Variants in CEP112 observed in about 807,000 individuals in gnomAD.
CEP112 encodes the protein centrosomal protein 112.
In CEP112, 127 loss-of-function variants were observed where a neutral mutation model predicts 153.0. The ratio of observed to expected loss-of-function variants is 0.83; its 90% confidence interval spans 0.72 to 0.96. The LOEUF is 0.96. Ranked by LOEUF, CEP112 falls within the 40% of genes least tolerant of loss-of-function variation. The probability of loss-of-function intolerance (pLI) is 0.00; values close to 1 mark genes in which losing one functional copy is unlikely to be tolerated. For synonymous variants in CEP112, 358 were observed against 374.4 expected (o/e 0.96, Z 0.51); for missense variants, 1,089 against 1,101.2 (o/e 0.99, Z 0.16).
chr17:65,948,674 A>C (rs1464700468), intron 18 of CEP112, among the ~76,000 whole-genome samples: 1 of 150,102 alleles, frequency 6.7e-6, no homozygotes, highest in Non-Finnish European at 1.5e-5. Flanking sequence ...CTGAGAGCTA[A>C]ACTGATAATA....
At chr17:66,052,206 C>A (rs989278558) in intron 12 of CEP112, among the ~76,000 whole-genome samples, 3 of 152,196 alleles carry the variant, frequency 2.0e-5, no homozygotes, top group African/African-American at 7.2e-5. Flanking sequence ...CCCATGCAAC[C>A]ATTTTTGGAA....
chr17:65,689,064 G>A (rs2047962377), intron 24 of CEP112, 65 bp downstream of exon 24: 4 of 1,184,860 alleles, frequency 3.4e-6, no homozygotes, highest in Non-Finnish European at 5.1e-6. Flanking sequence ...CACTGCACCT[G>A]GCTGCACACA....
rs567436335 is a variant in CEP112, at chr17:66,148,962, G to C, written c.471-16199C>G. Among the ~76,000 whole-genome samples, 4 of 152,210 alleles carry C rather than the reference G, an allele frequency of 2.6e-5. No individual in the cohort carries two copies. The South Asian group carries it at 8.3e-4, about 32-fold the overall frequency. On this transcript the variant is annotated intron_variant, in intron 4 of 26. Transcript: ENST00000535342. Reference sequence around the variant, plus strand: ...TTCACTATAAGAATAATGTCTATAGGCTTTAAATAGATGGCGTTTATTTTG... The same window carrying C: ...TTCACTATAAGAATAATGTCTATAGCCTTTAAATAGATGGCGTTTATTTTG...
rs1457558707 is a variant in CEP112 at position 66,178,035 on chromosome 17, TA to T, written c.107-1016del. 2.6e-5 allele frequency among the ~76,000 whole-genome samples: 4 copies of T among 152,330 alleles called. No homozygotes were observed. The East Asian group carries it at 5.8e-4, about 22-fold the overall frequency. ...GCTGCCACAAACATGGGAGTGCAGA[TA>T]TCTCTTGGATACACTGATTTCCTTT... On this transcript the variant is annotated intron_variant, in intron 2 of 26. Transcript: ENST00000535342.
chr17:66,181,918 A>C (rs1485412626), intron 2 of CEP112: 2 of 152,264 alleles, frequency 1.3e-5, no homozygotes, highest in Non-Finnish European at 2.9e-5. Flanking sequence ...CAAGGTCAAG[A>C]GCAGAAGGCA....
chr17:66,030,801 TTTTAAA>T (rs1239698031), intron 12 of CEP112, among the ~76,000 whole-genome samples: 10 of 152,178 alleles, frequency 6.6e-5, no homozygotes, highest in African/African-American at 2.4e-4. Flanking sequence ...TAATTTTCAG[TTTTAAA>T]ATTAAACTTC....
intron 21 of CEP112, among the ~76,000 whole-genome samples, chr17:65,769,997 T>A (rs917669472): frequency 2.0e-5 from 3 of 152,020 alleles, no homozygotes; most frequent in African/African-American, 7.2e-5. Flanking sequence ...ATCTCAGTTA[T>A]CTCTGAGATA....
chr17:65,880,008 C>T (rs1317223530), intron 20 of CEP112, among the ~76,000 whole-genome samples: 1 of 152,088 alleles, frequency 6.6e-6, no homozygotes, highest in African/African-American at 2.4e-5. Flanking sequence ...GGAACCTGTA[C>T]CAAGTCACAT....
intron 24 of CEP112, chr17:65,655,141 G>A: frequency 2.7e-6 from 2 of 740,142 alleles, no homozygotes; most frequent in South Asian, 1.3e-5. Flanking sequence ...AGATAATAAT[G>A]TCATTGAATT....
chr17:65,958,004 T>C (rs377397076), intron 18 of CEP112, among the ~76,000 whole-genome samples: 10 of 152,326 alleles, frequency 6.6e-5, no homozygotes, highest in South Asian at 2.1e-4. Flanking sequence ...TTAATACATT[T>C]GTATTTTCTG....
At chr17:65,839,043 G>C (rs1200528879) in intron 21 of CEP112, among the ~76,000 whole-genome samples, 1 of 152,090 alleles carries the variant, frequency 6.6e-6, no homozygotes, top group Non-Finnish European at 1.5e-5. Flanking sequence ...CCCAGAACCT[G>C]AGGGCTTCAC....
chr17:65,923,295 T>C (rs1053608759), intron 19 of CEP112, among the ~76,000 whole-genome samples: 1 of 152,246 alleles, frequency 6.6e-6, no homozygotes, highest in African/African-American at 2.4e-5. Context: ...AGGCTTTTCA[T>C]TTGTTGGTCA....
At chr17:65,936,084 A>G (rs542466611) in intron 18 of CEP112, among the ~76,000 whole-genome samples, 1 of 152,338 alleles carries the variant, frequency 6.6e-6, no homozygotes, top group East Asian at 1.9e-4. Flanking sequence ...ATAATATAGA[A>G]ACACAAAAAC....
chr17:66,127,824 G>A (rs780771109), intron 6 of CEP112, among the ~76,000 whole-genome samples: 4 of 152,038 alleles, frequency 2.6e-5, no homozygotes, highest in Non-Finnish European at 2.9e-5. Context: ...AAATGGATCC[G>A]CCCTCATCTG....
intron 6 of CEP112, among the ~76,000 whole-genome samples, chr17:66,107,571 G>A (rs2068839359): frequency 6.6e-6 from 1 of 151,670 alleles, no homozygotes; most frequent in Non-Finnish European, 1.5e-5. Context: ...AAAACACCTA[G>A]AAATTAACTT....
chr17:65,713,810 G>A (rs2049335970), intron 23 of CEP112, among the ~76,000 whole-genome samples: 3 of 152,008 alleles, frequency 2.0e-5, no homozygotes, highest in Non-Finnish European at 2.9e-5. Context: ...GGATGGTCTC[G>A]ATCTCCTGAC....
At chr17:66,106,428 T>C (rs2068786244) in intron 6 of CEP112, among the ~76,000 whole-genome samples, 2 of 151,632 alleles carry the variant, frequency 1.3e-5, no homozygotes, top group Admixed American at 6.6e-5. Flanking sequence ...AGAGAGAAGA[T>C]TCAAATAAAT....
At chr17:65,715,577 A>C (rs766947240) in intron 23 of CEP112, among the ~76,000 whole-genome samples, 42 of 151,860 alleles carry the variant, frequency 2.8e-4, no homozygotes, top group Non-Finnish European at 2.2e-4. Context: ...CAGTCTCCCG[A>C]GTAGCTGGGA....
At chr17:65,988,510 G>A (rs1444291291) in intron 17 of CEP112, among the ~76,000 whole-genome samples, 1 of 151,356 alleles carries the variant, frequency 6.6e-6, no homozygotes, top group Non-Finnish European at 1.5e-5. Context: ...AGAAAACTCA[G>A]TGATCTCCAA....
Sources: allele counts gnomAD v4.1 joint callset (sites outside exome capture counted in the v4.1 genomes callset), GRCh38; gene constraint gnomAD v4.1.1; transcripts MANE v1.5; gene names NCBI Gene and HGNC (gene_info 2026-07-23, HGNC 2026-07-21).